Variants in UNC79 observed in about 807,000 individuals in gnomAD.
UNC79 encodes unc-79 subunit of NALCN channel complex.
A neutral mutation model predicts 283.1 loss-of-function variants in UNC79; 37 were observed. That is an observed-to-expected ratio of 0.13 (90% confidence interval 0.10 to 0.17). The LOEUF is 0.17. Ranked by LOEUF, UNC79 falls within the 10% of genes least tolerant of loss-of-function variation. UNC79 has a pLI of 1.00. For missense variants in UNC79, 2,272 were observed against 3,211.1 expected (o/e 0.71, Z 7.07); for synonymous variants, 1,107 against 1,200.2 (o/e 0.92, Z 1.61).
At chr14:93,563,704 G>A (rs1007169724) in intron 14 of UNC79, among the ~76,000 whole-genome samples, 15 of 152,114 alleles carry the variant, frequency 9.9e-5, no homozygotes, top group Non-Finnish European at 2.9e-5. Context: ...GAACAGGAAA[G>A]AAGGAAATAT....
chr14:93,540,628 G>A (rs1298892103), intron 12 of UNC79, 32 bp from the exon 13 acceptor site: 4 of 1,601,120 alleles, frequency 2.5e-6, no homozygotes, highest in Non-Finnish European at 2.5e-6. Context: ...TTTTTTCACA[G>A]TCTAACTTGA....
intron 14 of UNC79, among the ~76,000 whole-genome samples, chr14:93,561,093 T>C (rs533863186): frequency 1.3e-5 from 2 of 152,222 alleles, no homozygotes; most frequent in Admixed American, 1.3e-4. Context: ...GCTAATGTTT[T>C]TAAGTTTGCC....
At chr14:93,698,476 G>GATTTTTT (rs1555408706) in intron 47 of UNC79, among the ~76,000 whole-genome samples, 4 of 79,096 alleles carry the variant, frequency 5.1e-5, no homozygotes, top group African/African-American at 1.2e-4. Context: ...TTTAGTTTAG[G>GATTTTTT]TTTTTTTTTT....
At chr14:93,483,132 C>G (rs1045557153) in intron 4 of UNC79, among the ~76,000 whole-genome samples, 10 of 152,180 alleles carry the variant, frequency 6.6e-5, no homozygotes, top group Non-Finnish European at 8.8e-5. Flanking sequence ...TCTTTAGGTT[C>G]AAGCTCAAGT....
At chr14:93,336,224 T>C (rs936209077) in intron 1 of UNC79, among the ~76,000 whole-genome samples, 9 of 152,240 alleles carry the variant, frequency 5.9e-5, no homozygotes, top group Admixed American at 4.6e-4. Flanking sequence ...CAATCCTGTT[T>C]TCATGCATTT....
intron 10 of UNC79, 69 bp from the exon 11 acceptor site, chr14:93,532,481 T>G (rs1470266620): frequency 1.4e-5 from 21 of 1,535,356 alleles, no homozygotes; most frequent in Non-Finnish European, 1.9e-5. Context: ...AAAAATAAAT[T>G]AATTAATTAA....
chr14:93,478,495 T>C (rs980942609), intron 4 of UNC79, among the ~76,000 whole-genome samples: 1 of 152,190 alleles, frequency 6.6e-6, no homozygotes, highest in African/African-American at 2.4e-5. Flanking sequence ...TCCGAAAAGA[T>C]TGTGGATTTA....
At chr14:93,592,915 G>A (rs557554842) in intron 22 of UNC79, among the ~76,000 whole-genome samples, 2 of 152,196 alleles carry the variant, frequency 1.3e-5, no homozygotes, top group East Asian at 1.9e-4. Context: ...TAGCCCAACT[G>A]TGGCTTGGCT....
At chr14:93,659,893 C>T (rs11623517) in intron 39 of UNC79, among the ~76,000 whole-genome samples, 12,978 of 152,246 alleles carry the variant, frequency 0.085, 1,062 homozygotes, top group African/African-American at 0.22. Context: ...AACTCCTTCT[C>T]ATTCTTCAAG....
intron 24 of UNC79, among the ~76,000 whole-genome samples, chr14:93,598,296 G>A (rs143155039): frequency 0.012 from 1,815 of 151,348 alleles, 18 homozygotes; most frequent in Non-Finnish European, 0.017. Context: ...TGGCCCATTT[G>A]TTGATACTTT....
chr14:93,643,774 C>A, intron 34 of UNC79, 77 bp downstream of exon 37: 1 of 1,556,230 alleles, frequency 6.4e-7, no homozygotes, highest in South Asian at 1.2e-5. Context: ...ACTACCAGTT[C>A]AAAAGTGAAA....
intron 1 of UNC79, among the ~76,000 whole-genome samples, chr14:93,393,792 A>G (rs1434837989): frequency 1.3e-5 from 2 of 152,140 alleles, no homozygotes; most frequent in Non-Finnish European, 2.9e-5. Flanking sequence ...ACCCCCCTAG[A>G]AAGTATTTGC....
intron 7 of UNC79, 73 bp downstream of exon 7, chr14:93,497,359 A>G: frequency 2.0e-6 from 3 of 1,483,684 alleles, no homozygotes; most frequent in Non-Finnish European, 2.7e-6. Context: ...CTACTTATAC[A>G]TACATTTTTA....
chr14:93,584,508 C>T (rs1354163178), intron 20 of UNC79, among the ~76,000 whole-genome samples: 1 of 152,178 alleles, frequency 6.6e-6, no homozygotes, highest in Non-Finnish European at 1.5e-5. Context: ...AGGGCCCAGG[C>T]CTACAGTTGT....
chr14:93,626,284 T>C (rs969880918), intron 30 of UNC79, among the ~76,000 whole-genome samples: 1 of 152,204 alleles, frequency 6.6e-6, no homozygotes, highest in Admixed American at 6.5e-5. Context: ...TCTGCCCACC[T>C]TCCAGCTTCT....
At chr14:93,538,241 C>T in intron 12 of UNC79, 23 bp downstream of exon 12, 1 of 1,521,706 alleles carries the variant, frequency 6.6e-7, no homozygotes, top group Non-Finnish European at 8.8e-7. Context: ...TTCTTAGTAG[C>T]TGCCTCTGAC....
chr14:93,373,058 TA>T, intron 1 of UNC79, among the ~76,000 whole-genome samples: 1 of 152,146 alleles, frequency 6.6e-6, no homozygotes, highest in Non-Finnish European at 1.5e-5. Context: ...AACACACTTC[TA>T]AATAACACAT....
At chr14:93,532,456 T>A (rs928122897) in intron 10 of UNC79, 94 bp from the exon 11 acceptor site, 13 of 1,433,578 alleles carry the variant, frequency 9.1e-6, no homozygotes, top group Non-Finnish European at 9.4e-7. Context: ...ATTGACAGAG[T>A]GAGCCACTGT....
chr14:93,615,901 A>G (rs907727328), intron 27 of UNC79, among the ~76,000 whole-genome samples: 7 of 152,090 alleles, frequency 4.6e-5, no homozygotes, highest in Non-Finnish European at 1.0e-4. Flanking sequence ...ATACACATAC[A>G]TAATTTCATA....
Sources: gnomAD v4.1 joint callset for allele counts (sites outside exome capture counted in the v4.1 genomes callset) on GRCh38, gnomAD v4.1.1 for gene constraint, MANE v1.5 for transcripts, NCBI Gene and HGNC (gene_info 2026-07-23, HGNC 2026-07-21) for gene names.